Variants in SIPA1L3 observed in about 807,000 individuals in gnomAD.
The protein encoded by SIPA1L3 is signal-induced proliferation-associated 1-like protein 3.
SIPA1L3 carries 59 observed loss-of-function variants against 150.1 expected under a neutral mutation model. The observed-to-expected ratio is 0.39, with a 90% CI of 0.32 to 0.49. The LOEUF (loss-of-function observed/expected upper bound fraction) is 0.49. Among genes scored for constraint, SIPA1L3 ranks in the 20% least tolerant of loss-of-function variants. The pLI is 0.86. For missense variants in SIPA1L3, 2,211 were observed against 2,489.5 expected, an observed-to-expected ratio of 0.89 and a Z score of 2.38; for synonymous variants, 1,070 against 1,077.6, an observed-to-expected ratio of 0.99 and a Z score of 0.14.
chr19:38,190,206 G>T (rs1488374708), intron 16 of SIPA1L3, among the ~76,000 whole-genome samples: 3 of 152,222 alleles, frequency 2.0e-5, no homozygotes, highest in Non-Finnish European at 4.4e-5. Context: ...ACTGGCTGGG[G>T]GGCGTGCTGA....
chr19:38,059,164 C>T lies in SIPA1L3; in HGVS notation c.-310-22092C>T, dbSNP rs1044940461. ...TACAGGTGCATGTCACCATACTCAG[C>T]TCATTTTTTTTTTTTTTGGTAGAGA... On this transcript the variant is annotated intron_variant, in intron 2 of 21. Transcript: ENST00000222345. 1.0e-4 allele frequency among the ~76,000 whole-genome samples: 15 copies of T among 148,974 alleles called. No individual in the cohort carries two copies. In the South Asian group the frequency reaches 1.9e-3, roughly 19 times the overall value.
Position 38,192,153 on chromosome 19 carries a change from A to G in SIPA1L3, c.4439A>G (p.Asp1480Gly). 2 of 1,604,848 alleles carry G rather than the reference A, an allele frequency of 1.2e-6. No homozygotes were observed. The highest frequency in any genetic ancestry group is 2.7e-5 in the African/African-American group (2 of 74,406). The change falls in exon 17 of 22, where the codon GAC (aspartate) becomes GGC (glycine). Residue 1480 changes from aspartate (D) to glycine (G), a missense_variant. Around this residue, in one of 5 missense-constraint regions of SIPA1L3, gnomAD observed 806 missense variants for 870.1 expected, o/e 0.93. Coordinates refer to ENST00000222345, the MANE Select transcript of SIPA1L3 (RefSeq NM_015073.3). Reference protein sequence around the residue: ...LPFSDPKKQVDTNTKNVFGQP... With the variant: ...LPFSDPKKQVGTNTKNVFGQP... ...TGACGCTGTCATTCCAGGCAGGTGGACACGAACACCAAAAATGTCTTTGGG... is the reference window on the plus strand; with the variant it reads ...TGACGCTGTCATTCCAGGCAGGTGGGCACGAACACCAAAAATGTCTTTGGG...
At chr19:38,146,460 A>C (rs945023666) in intron 12 of SIPA1L3, among the ~76,000 whole-genome samples, 22 of 152,224 alleles carry the variant, frequency 1.4e-4, no homozygotes, top group Non-Finnish European at 2.8e-4. Context: ...AAAAGATTTA[A>C]AAAGACATTT....
At chr19:38,150,431 TG>T (rs2145956545) in intron 12 of SIPA1L3, among the ~76,000 whole-genome samples, 1 of 152,148 alleles carries the variant, frequency 6.6e-6, no homozygotes, top group East Asian at 1.9e-4. Context: ...TTTGGCATCT[TG>T]GGGGATCCTA....
chr19:38,038,125 G>T (rs774323296), intron 2 of SIPA1L3, among the ~76,000 whole-genome samples: 9 of 152,150 alleles, frequency 5.9e-5, no homozygotes, highest in Non-Finnish European at 1.0e-4. Context: ...AGTCTAGGCT[G>T]GAGATGCCAG....
At chr19:38,153,054 T>A in intron 13 of SIPA1L3, 87 bp downstream of exon 13, 1 of 1,474,492 alleles carries the variant, frequency 6.8e-7, no homozygotes, top group Non-Finnish European at 9.1e-7. Flanking sequence ...ACACTCCCCC[T>A]CTTGTGAGTG....
At chr19:38,152,226 G>A (rs1406145997) in intron 12 of SIPA1L3, among the ~76,000 whole-genome samples, 1 of 152,136 alleles carries the variant, frequency 6.6e-6, no homozygotes, top group South Asian at 2.1e-4. Flanking sequence ...CATGTGTCAG[G>A]AATCAAACCC....
At chr19:38,205,030 A>C (rs1426826158) in intron 21 of SIPA1L3, among the ~76,000 whole-genome samples, 3 of 152,222 alleles carry the variant, frequency 2.0e-5, no homozygotes. Context: ...AGTAACTTAC[A>C]TAAAAACCAA....
rs776845042 is a variant in SIPA1L3 at position 38,193,703 on chromosome 19, GC to G, written c.4765del (p.Gln1589SerfsTer50). On this transcript the variant is annotated frameshift_variant, in exon 18 of 22. Coordinates refer to ENST00000222345, the MANE Select transcript of SIPA1L3 (RefSeq NM_015073.3). LOFTEE classifies it high-confidence loss of function. Reference sequence around the variant, plus strand: ...CCGTCCAGCACGCTGCCTGCACGCCGCCAGCACCAGCACCCCCACCCGCCCG... The same window carrying G: ...CCGTCCAGCACGCTGCCTGCACGCCGCAGCACCAGCACCCCCACCCGCCCG... ...AFPSSTLPAR[R>X]QHQHPHPPVG... 1 of 1,569,734 alleles carries G rather than the reference GC, an allele frequency of 6.4e-7. No homozygotes were observed. Among genetic ancestry groups the G allele is most frequent in the Admixed American group, 1.8e-5 (1 of 56,522 alleles).
chr19:37,950,349 C>T (rs1459478665), intron 1 of SIPA1L3, among the ~76,000 whole-genome samples: 1 of 152,120 alleles, frequency 6.6e-6, no homozygotes, highest in Non-Finnish European at 1.5e-5. Flanking sequence ...CTTTTCCTTC[C>T]TGAGGCCGGA....
At chr19:37,988,502 C>G (rs1032375903) in intron 1 of SIPA1L3, among the ~76,000 whole-genome samples, 7 of 152,084 alleles carry the variant, frequency 4.6e-5, no homozygotes, top group Non-Finnish European at 1.0e-4. Context: ...ATGGTGAAAC[C>G]CTGTCTCTAG....
chr19:38,012,192 C>T (rs1370358515), intron 1 of SIPA1L3, among the ~76,000 whole-genome samples: 1 of 151,668 alleles, frequency 6.6e-6, no homozygotes, highest in Admixed American at 6.6e-5. Flanking sequence ...GCTCCTGGCT[C>T]AAGCACCCTC....
intron 2 of SIPA1L3, among the ~76,000 whole-genome samples, chr19:38,057,515 G>A (rs1053215223): frequency 8.6e-5 from 13 of 151,830 alleles, no homozygotes; most frequent in African/African-American, 3.1e-4. Flanking sequence ...TTCTTTAATG[G>A]TACTCCTGGT....
At chr19:38,031,962 C>CA (rs1235521896) in intron 2 of SIPA1L3, among the ~76,000 whole-genome samples, 1 of 152,024 alleles carries the variant, frequency 6.6e-6, no homozygotes, top group Non-Finnish European at 1.5e-5. Context: ...TAAAACAAAA[C>CA]AAAAATGCTA....
At chr19:38,006,598 C>T (rs868490146) in intron 1 of SIPA1L3, among the ~76,000 whole-genome samples, 2 of 152,260 alleles carry the variant, frequency 1.3e-5, no homozygotes, top group Non-Finnish European at 2.9e-5. Context: ...AAAATCATGC[C>T]GAGATACTAC....
At chr19:38,032,347 A>G (rs753907729) in intron 2 of SIPA1L3, among the ~76,000 whole-genome samples, 4 of 152,226 alleles carry the variant, frequency 2.6e-5, no homozygotes, top group Non-Finnish European at 5.9e-5. Context: ...CCTACGTGGT[A>G]ACCAGGGCCT....
At chr19:38,159,658 C>T (rs776829153) in intron 13 of SIPA1L3, among the ~76,000 whole-genome samples, 4 of 152,388 alleles carry the variant, frequency 2.6e-5, no homozygotes, top group Middle Eastern at 3.4e-3. Context: ...CCGAGCCACA[C>T]GTCCTGCCTG....
At chr19:37,977,200 T>A (rs1420690553) in intron 1 of SIPA1L3, among the ~76,000 whole-genome samples, 5 of 152,194 alleles carry the variant, frequency 3.3e-5, no homozygotes, top group Non-Finnish European at 7.3e-5. Context: ...AGGCTTGCTC[T>A]GTCGCCCAGG....
At chr19:38,099,639 C>CA (rs1490030396) in intron 4 of SIPA1L3, among the ~76,000 whole-genome samples, 1 of 152,086 alleles carries the variant, frequency 6.6e-6, no homozygotes, top group Non-Finnish European at 1.5e-5. Flanking sequence ...GGCACTCAGC[C>CA]AGTATATGTT....
Sources: gnomAD v4.1 joint callset for allele counts (sites outside exome capture counted in the v4.1 genomes callset) on GRCh38, gnomAD v4.1.1 for gene constraint, gnomAD v4.1.1 regional missense constraint, MANE v1.5 for transcripts, NCBI Gene and HGNC (gene_info 2026-07-23, HGNC 2026-07-21) for gene names.